MSMO1: variants seen among roughly 807,000 people sequenced by gnomAD.
MSMO1 encodes the protein C-4 methylsterol oxidase.
In MSMO1, 18 loss-of-function variants were observed where a neutral mutation model predicts 30.4. That is an observed-to-expected ratio of 0.59 (90% CI 0.41 to 0.88). The LOEUF (loss-of-function observed/expected upper bound fraction) is 0.88, where lower values mean the gene tolerates loss of function less well. MSMO1 is among the 40% of genes least tolerant of loss of function. The pLI is 0.00. For synonymous variants in MSMO1, 84 were observed against 107.9 expected, an observed-to-expected ratio of 0.78 and a Z score of 1.37; for missense variants, 284 against 340.5, an observed-to-expected ratio of 0.83 and a Z score of 1.31.
In MSMO1 at chr4:165,337,934, G is replaced by T. The variant is rs193240745; in HGVS notation, c.401G>T (p.Arg134Ile). 6.2e-7 allele frequency: 1 copy of T among 1,613,250 alleles called. No homozygotes were observed. The highest frequency in any genetic ancestry group is 8.5e-7 in the Non-Finnish European group (1 of 1,179,624). The change falls in exon 3 of 6, where the codon AGA becomes ATA. Residue 134 changes from arginine (R) to isoleucine (I), a missense_variant. Coordinates refer to ENST00000261507, the MANE Select transcript of MSMO1 (RefSeq NM_006745.5). ...NIPYDWERMP[R>I]WYFLLARCFG... Reference sequence around the variant, plus strand: ...CCTTATGATTGGGAAAGAATGCCAAGATGGTACGTAGATAAAAATTTGGCT... The same window carrying T: ...CCTTATGATTGGGAAAGAATGCCAATATGGTACGTAGATAAAAATTTGGCT...
At chr4:165,335,387 G>C (rs1747511006) in intron 2 of MSMO1, among the ~76,000 whole-genome samples, 1 of 152,096 alleles carries the variant, frequency 6.6e-6, no homozygotes, top group Non-Finnish European at 1.5e-5. Context: ...AAAAATAGGA[G>C]GGCCAAAGGA....
chr4:165,340,826 T>C (rs1428267600), intron 5 of MSMO1, among the ~76,000 whole-genome samples: 1 of 152,206 alleles, frequency 6.6e-6, no homozygotes, highest in African/African-American at 2.4e-5. Flanking sequence ...AAATTATTTA[T>C]ATTGAATGCC....
At chr4:165,340,402 A>T (rs1372676607) in intron 5 of MSMO1, 27 bp downstream of exon 5, 1 of 1,575,174 alleles carries the variant, frequency 6.3e-7, no homozygotes, top group Admixed American at 1.7e-5. Context: ...GTTCAGGTAT[A>T]AAGCATAATG....
intron 4 of MSMO1, among the ~76,000 whole-genome samples, chr4:165,339,096 C>CT (rs869192459): frequency 0.31 from 18,699 of 59,678 alleles, 4,617 homozygotes; most frequent in Middle Eastern, 0.36. Flanking sequence ...ATGAGCACTG[C>CT]TTTTTTTTTT....
At chr4:165,339,367 G>T (rs1394568393) in intron 4 of MSMO1, among the ~76,000 whole-genome samples, 1 of 152,094 alleles carries the variant, frequency 6.6e-6, no homozygotes, top group Non-Finnish European at 1.5e-5. Flanking sequence ...GACTCGCAAA[G>T]TGCTGGGATT....
At chr4:165,341,217 A>G (rs1747706592) in intron 5 of MSMO1, among the ~76,000 whole-genome samples, 1 of 152,170 alleles carries the variant, frequency 6.6e-6, no homozygotes, top group Admixed American at 6.5e-5. Flanking sequence ...TCTTCTGCCA[A>G]CTATAGAAAA....
intron 2 of MSMO1, among the ~76,000 whole-genome samples, chr4:165,333,868 G>A (rs567256110): frequency 6.6e-6 from 1 of 152,314 alleles, no homozygotes; most frequent in East Asian, 1.9e-4. Context: ...CAGGGTCCAT[G>A]CCTGTAATTC....
chr4:165,339,245 C>T (rs903645345), intron 4 of MSMO1, among the ~76,000 whole-genome samples: 4 of 151,964 alleles, frequency 2.6e-5, no homozygotes, highest in East Asian at 1.9e-4. Context: ...GCTGGGATTA[C>T]AGGCATGCGT....
chr4:165,333,352 G>T lies in MSMO1; in HGVS notation c.-19G>T, dbSNP rs1180054204. ...TTCATTTCTACAGAATTATAAGGCT[G>T]TCTGCAGAGATTTGAAAAATGGCAA... On this transcript the variant is annotated 5_prime_UTR_variant, in exon 2 of 6. Transcript: ENST00000261507. The T allele has an allele frequency of 6.2e-7, 1 of 1,610,970 alleles. No individual in the cohort carries two copies. The highest frequency in any genetic ancestry group is 1.7e-5 in the Admixed American group (1 of 59,998).
chr4:165,330,526 A>G (rs557678601), intron 1 of MSMO1, among the ~76,000 whole-genome samples: 1 of 152,336 alleles, frequency 6.6e-6, no homozygotes, highest in East Asian at 1.9e-4. Context: ...AGGTCACAGG[A>G]CAGGACTAGT....
At chr4:165,333,699 T>C in intron 2 of MSMO1, 74 bp downstream of exon 2, 2 of 1,405,268 alleles carry the variant, frequency 1.4e-6, no homozygotes, top group Non-Finnish European at 1.9e-6. Context: ...TAGGGCTTTG[T>C]TTTGTGAGGC....
chr4:165,334,283 T>C (rs368096885), intron 2 of MSMO1, among the ~76,000 whole-genome samples: 14 of 152,202 alleles, frequency 9.2e-5, no homozygotes, highest in East Asian at 7.7e-4. Flanking sequence ...AGCAACACAG[T>C]CCTAGGTCAT....
chr4:165,338,001 TG>T (rs1747606898), intron 3 of MSMO1, 64 bp downstream of exon 3: 3 of 1,435,162 alleles, frequency 2.1e-6, no homozygotes, highest in Admixed American at 3.4e-5. Flanking sequence ...TTATACTTAA[TG>T]TTTACCCGTT....
At chr4:165,336,493 C>G (rs982806804) in intron 2 of MSMO1, among the ~76,000 whole-genome samples, 1 of 152,172 alleles carries the variant, frequency 6.6e-6, no homozygotes, top group Non-Finnish European at 1.5e-5. Flanking sequence ...AGTTGATTAA[C>G]TTTGTAATTT....
rs1334325527 is a variant in MSMO1 at position 165,342,964 on chromosome 4, TG to T, written c.*1019del. On this transcript the variant is annotated 3_prime_UTR_variant, in exon 6 of 6. Transcript: ENST00000261507. ...TTATTTCTATTTACCCTTCCATTTT[TG>T]TATATCAAATTTCCATTGTCATTAA... 2 of 152,664 alleles carry T rather than the reference TG, an allele frequency of 1.3e-5. No individual in the cohort carries two copies. The highest frequency in any genetic ancestry group is 2.9e-5 in the Non-Finnish European group (2 of 68,038). The allele number at this position is 152,664 out of a possible 1,614,324, so 9.5% of individuals were successfully genotyped here. A position where few individuals can be genotyped will look rare whatever the true frequency, so the allele number is the denominator to read the frequency against.
chr4:165,329,627 T>G (rs1262794124), intron 1 of MSMO1, among the ~76,000 whole-genome samples: 4 of 115,362 alleles, frequency 3.5e-5, no homozygotes, highest in Admixed American at 1.6e-4. Flanking sequence ...CCATAGCGAT[T>G]TTTTTTTTTT....
chr4:165,330,150 A>C (rs1747352209), intron 1 of MSMO1, among the ~76,000 whole-genome samples: 1 of 152,216 alleles, frequency 6.6e-6, no homozygotes. Flanking sequence ...GGATGAGTGC[A>C]TGGGCTTCCC....
Position 165,342,591 on chromosome 4 carries a change from A to C in MSMO1, c.*645A>C, listed in dbSNP as rs1272433952. The C allele has an allele frequency of 6.6e-6, 1 of 152,336 alleles. No individual in the cohort carries two copies. Among genetic ancestry groups the C allele is most frequent in the East Asian group, 1.9e-4 (1 of 5,202 alleles). The allele number at this position is 152,336 out of a possible 1,614,324, so 9.4% of individuals were successfully genotyped here. On this transcript the variant is annotated 3_prime_UTR_variant, in exon 6 of 6. Coordinates refer to ENST00000261507, the MANE Select transcript of MSMO1 (RefSeq NM_006745.5). The stretch of plus-strand genomic sequence containing the variant: ...AGGCTGGTCTCAAACTTCTGACCTC[A>C]AGTGATCTGCCCACCTTGGCCTCCC...
intron 1 of MSMO1, among the ~76,000 whole-genome samples, chr4:165,331,166 C>T (rs10023238): frequency 0.01 from 1,571 of 151,818 alleles, 40 homozygotes; most frequent in African/African-American, 0.035. Context: ...ATTAGCCAGG[C>T]GTGGTGGCAT....
Sources: allele counts gnomAD v4.1 joint callset (sites outside exome capture counted in the v4.1 genomes callset), GRCh38; gene constraint gnomAD v4.1.1; transcripts MANE v1.5; gene names NCBI Gene and HGNC (gene_info 2026-07-23, HGNC 2026-07-21).